MCCC1: variants seen among roughly 807,000 people sequenced by gnomAD.
MCCC1 encodes methylcrotonyl-CoA carboxylase subunit 1.
In MCCC1, 64 loss-of-function variants were observed where a neutral mutation model predicts 83.8. That is an observed-to-expected ratio of 0.76 (90% CI 0.62 to 0.94). The LOEUF is 0.94. Ranked by LOEUF, MCCC1 falls within the 40% of genes least tolerant of loss-of-function variation. The probability of loss-of-function intolerance (pLI) is 0.00; values close to 1 mark genes in which losing one functional copy is unlikely to be tolerated. For synonymous variants in MCCC1, 322 were observed against 315.4 expected (o/e 1.02, Z -0.22); for missense variants, 807 against 904.7 (o/e 0.89, Z 1.39).
intron 3 of MCCC1, among the ~76,000 whole-genome samples, chr3:183,087,221 T>C (rs1294532543): frequency 6.6e-6 from 1 of 152,206 alleles, no homozygotes; most frequent in African/African-American, 2.4e-5. Flanking sequence ...TATCAGAGTA[T>C]GATAATGCTT....
chr3:183,023,988 C>T (rs1007291691), intron 15 of MCCC1, among the ~76,000 whole-genome samples: 6 of 152,134 alleles, frequency 3.9e-5, no homozygotes, highest in Non-Finnish European at 7.3e-5. Context: ...TGGTGGCTCA[C>T]GCCTATAATC....
chr3:183,037,376 A>G lies in MCCC1; in HGVS notation c.1436T>C (p.Phe479Ser), dbSNP rs752807776. ...FLLNLSGHPE[F>S]EAGNVHTDFI... The stretch of plus-strand genomic sequence containing the variant: ...ATCAGTGTGCACGTTCCCAGCTTCA[A>G]ACTCTGGGTGGCCAGACAGGTTGAG... The change falls in exon 13 of 19, where the codon TTT becomes TCT. Residue 479 changes from phenylalanine to serine, a missense_variant. Phe to Ser is a radical substitution (Grantham distance 155, BLOSUM62 -2). Transcript: ENST00000265594. The G allele has an allele frequency of 1.2e-6, 2 of 1,614,136 alleles. No homozygotes were observed. The highest frequency in any genetic ancestry group is 2.2e-5 in the East Asian group (1 of 44,870).
At chr3:183,053,107 T>C (rs985080787) in intron 8 of MCCC1, among the ~76,000 whole-genome samples, 2 of 152,206 alleles carry the variant, frequency 1.3e-5, no homozygotes, top group Admixed American at 1.3e-4. Context: ...GTGACACTGA[T>C]GATCCTGATT....
intron 10 of MCCC1, among the ~76,000 whole-genome samples, chr3:183,042,086 A>G (rs988469083): frequency 1.4e-4 from 22 of 152,200 alleles, no homozygotes; most frequent in African/African-American, 5.3e-4. Context: ...CTCAGTTTTC[A>G]TTTAAAACAT....
Position 183,041,731 on chromosome 3 carries a change from A to G in MCCC1, c.1103T>C (p.Ile368Thr), listed in dbSNP as rs1714105890. The G allele has an allele frequency of 1.2e-6, 2 of 1,614,092 alleles. No individual in the cohort carries two copies. The highest frequency in any genetic ancestry group is 1.7e-6 in the Non-Finnish European group (2 of 1,180,046). Residue 368 changes from isoleucine (I) to threonine (T), a missense_variant, in exon 11 of 19, where the codon ATT (isoleucine) becomes ACT (threonine). By Grantham distance (89) the Ile-to-Thr change is moderately conservative. Coordinates refer to ENST00000265594, the MANE Select transcript of MCCC1 (RefSeq NM_020166.5). ...AGTTATTTCTTCCTGGCTCAAAGGA[A>G]TCTTCTCTCCTGCTGCAATCTGGCA... is the stretch of plus-strand genomic sequence containing the variant. Reference protein sequence around the residue: ...WQLRIAAGEKIPLSQEEITLQ... With the variant: ...WQLRIAAGEKTPLSQEEITLQ...
At chr3:183,071,869 A>AG (rs1553863147) in intron 5 of MCCC1, among the ~76,000 whole-genome samples, 1 of 132,780 alleles carries the variant, frequency 7.5e-6, no homozygotes, top group Non-Finnish European at 1.6e-5. Context: ...ACCCAGCTGA[A>AG]TTTTTTTTTT....
chr3:183,072,391 C>A lies in MCCC1; in HGVS notation c.466G>T (p.Ala156Ser), dbSNP rs772843049. The A allele has an allele frequency of 6.2e-7, 1 of 1,613,666 alleles. No individual in the cohort carries two copies. The highest frequency in any genetic ancestry group is 8.5e-7 in the Non-Finnish European group (1 of 1,179,748). Residue 156 changes from alanine (A) to serine (S), a missense_variant, in exon 5 of 19, where the codon GCA becomes TCA. Ala to Ser is a moderately conservative substitution (Grantham distance 99). Transcript: ENST00000265594. ...CTCTTTATACCCATGTCTCTAATTG[C>A]AGATGGAGGAGGGCCTATAAAAATA... Reference protein sequence around the residue: ...GIIFIGPPPSAIRDMGIKSTS... With the variant: ...GIIFIGPPPSSIRDMGIKSTS...
intron 4 of MCCC1, among the ~76,000 whole-genome samples, chr3:183,078,838 T>C (rs1190951171): frequency 1.3e-5 from 2 of 152,220 alleles, no homozygotes; most frequent in African/African-American, 4.8e-5. Context: ...GGACTCACAG[T>C]TCCACATGGC....
chr3:183,073,073 A>G (rs908391633), intron 4 of MCCC1, among the ~76,000 whole-genome samples: 2 of 152,102 alleles, frequency 1.3e-5, no homozygotes, highest in African/African-American at 4.8e-5. Flanking sequence ...TTATCCATTA[A>G]TCTCTTGATG....
intron 1 of MCCC1, among the ~76,000 whole-genome samples, chr3:183,113,871 G>A (rs1176778173): frequency 6.6e-6 from 1 of 152,040 alleles, no homozygotes. Flanking sequence ...AATAACCCAG[G>A]GCTTGCAACT....
chr3:183,028,404 T>A (rs1473696165), intron 14 of MCCC1, among the ~76,000 whole-genome samples: 2 of 152,308 alleles, frequency 1.3e-5, no homozygotes, highest in Admixed American at 6.5e-5. Context: ...TAAGACAACA[T>A]CCTTTCTGCA....
At chr3:183,046,724 G>A (rs1403600784) in intron 9 of MCCC1, among the ~76,000 whole-genome samples, 1 of 152,076 alleles carries the variant, frequency 6.6e-6, no homozygotes, top group Non-Finnish European at 1.5e-5. Context: ...AAATCAATCT[G>A]ATCCGGCATC....
chr3:183,041,028 G>A (rs1232651486), intron 11 of MCCC1, among the ~76,000 whole-genome samples: 1 of 152,196 alleles, frequency 6.6e-6, no homozygotes, highest in Admixed American at 6.5e-5. Flanking sequence ...TTCTCATGGT[G>A]AAAGGAACAC....
chr3:183,079,958 A>G (rs111365550), intron 4 of MCCC1, among the ~76,000 whole-genome samples: 1,703 of 152,222 alleles, frequency 0.011, 36 homozygotes, highest in African/African-American at 0.039. Context: ...GCCCCTTTTA[A>G]TCACAGCTGG....
chr3:183,104,496 G>T (rs987741365), upstream of MCCC1, among the ~76,000 whole-genome samples: 1 of 152,130 alleles, frequency 6.6e-6, no homozygotes, highest in Non-Finnish European at 1.5e-5. Context: ...TCAACTACAT[G>T]AAAAAGTTTT....
intron 4 of MCCC1, among the ~76,000 whole-genome samples, chr3:183,076,395 T>C (rs1241333233): frequency 6.6e-6 from 1 of 152,252 alleles, no homozygotes; most frequent in African/African-American, 2.4e-5. Context: ...GATTCTGTTA[T>C]ATGGATATAC....
intron 4 of MCCC1, among the ~76,000 whole-genome samples, chr3:183,083,595 T>G (rs1363626764): frequency 6.6e-6 from 1 of 152,202 alleles, no homozygotes; most frequent in East Asian, 1.9e-4. Flanking sequence ...TCCTTTCTCA[T>G]TGTGTTACAG....
chr3:183,026,214 G>T (rs1044844250), intron 14 of MCCC1, among the ~76,000 whole-genome samples: 4 of 151,938 alleles, frequency 2.6e-5, no homozygotes, highest in East Asian at 1.9e-4. Context: ...CTAATTTTTT[G>T]ATTTTTTTGT....
chr3:183,098,104 A>AT (rs1718875248), intron 1 of MCCC1, among the ~76,000 whole-genome samples: 1 of 152,006 alleles, frequency 6.6e-6, no homozygotes, highest in Admixed American at 6.6e-5. Flanking sequence ...AATTTTTTGT[A>AT]TTTTTTAGTA....
Sources: gnomAD v4.1 joint callset for allele counts (sites outside exome capture counted in the v4.1 genomes callset) on GRCh38, gnomAD v4.1.1 for gene constraint, MANE v1.5 for transcripts, NCBI Gene and HGNC (gene_info 2026-07-23, HGNC 2026-07-21) for gene names.